Variants in KIF18B observed in about 807,000 individuals in gnomAD.
The protein encoded by KIF18B is kinesin-like protein KIF18B.
Under a neutral mutation model 80.9 loss-of-function variants are expected in KIF18B, and 49 were observed. That is an observed-to-expected ratio of 0.61 (90% confidence interval 0.48 to 0.77). The LOEUF is 0.77. Among genes scored for constraint, KIF18B ranks in the 30% least tolerant of loss-of-function variants. KIF18B has a pLI of 0.00. For synonymous variants in KIF18B, 439 were observed against 463.9 expected (o/e 0.95, Z 0.69); for missense variants, 994 against 1,127.7 (o/e 0.88, Z 1.70).
At chr17:44,930,694 GA>G (rs1233083058) in intron 11 of KIF18B, among the ~76,000 whole-genome samples, 1 of 152,152 alleles carries the variant, frequency 6.6e-6, no homozygotes, top group Non-Finnish European at 1.5e-5. Context: ...AGCCAGGGCA[GA>G]AATAAGGACC....
At chr17:44,935,085 G>T in intron 3 of KIF18B, 150 bp from the exon 4 acceptor site, 1 of 880,254 alleles carries the variant, frequency 1.1e-6, no homozygotes, top group Non-Finnish European at 1.7e-6. Flanking sequence ...GACCACAGCA[G>T]GGTGAACAGG....
At chr17:44,935,551 T>C in intron 2 of KIF18B, 135 bp from the exon 3 acceptor site, 1 of 888,006 alleles carries the variant, frequency 1.1e-6, no homozygotes, top group Non-Finnish European at 1.7e-6. Flanking sequence ...ACCCTCCATG[T>C]TCCCGCTGCA....
At position 44,934,680 on chromosome 17, in the gene KIF18B, G is replaced by C. The variant is rs2052240377; in HGVS notation, c.577-63C>G. ...CCGGATCAGGACTTTTCCCCTAACA[G>C]GAAGGGCTGCTCTTCAGAATCTACA... On this transcript the variant is annotated intron_variant, in intron 4 of 15. Transcript: ENST00000593135. The surrounding 1 kb of genome is among the most constrained non-coding windows in gnomAD (Gnocchi z 5.4). The C allele has an allele frequency of 7.1e-7, 1 of 1,401,326 alleles. No homozygotes were observed. The highest frequency in any genetic ancestry group is 1.4e-5 in the South Asian group (1 of 72,264). The allele number at this position is 1,401,326 out of a possible 1,614,324, so 86.8% of individuals were successfully genotyped here.
chr17:44,935,209 C>CT (rs1567793899), intron 3 of KIF18B, 50 bp downstream of exon 3: 1 of 1,521,706 alleles, frequency 6.6e-7, no homozygotes, highest in Admixed American at 2.1e-5. Flanking sequence ...CATGGGCTCA[C>CT]TTCCCCCCGG....
At chr17:44,933,892 C>T (rs1441499990) in intron 7 of KIF18B, 31 bp downstream of exon 7, 3 of 1,533,564 alleles carry the variant, frequency 2.0e-6, no homozygotes, top group East Asian at 2.5e-5. Flanking sequence ...GGAGCTGCCC[C>T]ACGCCCAAGC....
chr17:44,946,288 C>T (rs570783762), intron 1 of KIF18B, among the ~76,000 whole-genome samples: 21 of 152,052 alleles, frequency 1.4e-4, no homozygotes, highest in African/African-American at 4.6e-4. Flanking sequence ...AAATGGAATT[C>T]GGTTAGATAA....
Position 44,934,317 on chromosome 17 carries a change from C to T in KIF18B, c.801G>A (p.Lys267=), listed in dbSNP as rs1254051132. 1 of 1,610,474 alleles carries T rather than the reference C, an allele frequency of 6.2e-7. No individual in the cohort carries two copies. Among genetic ancestry groups the T allele is most frequent in the Non-Finnish European group, 8.5e-7 (1 of 1,178,516 alleles). ...GSERASSTHA[K]GERLREGANI... is the part of the protein sequence containing the mutation. ...TGGCCCCCTCCCGCAGCCGCTCCCC[C>T]TTCGCATGGGTGCTGGATGCCCGCT... Residue 267 remains lysine, a synonymous_variant, in exon 6 of 16, where the codon AAG becomes AAA. Transcript: ENST00000593135. This position sits in a 1 kb window ranked among gnomAD's most constrained non-coding sequence, Gnocchi z 5.4.
At position 44,927,979 on chromosome 17, in the gene KIF18B, A is replaced by G; in HGVS notation, c.2276+47T>C. ...AGCAGCACCAAGAAGTCCCTTGCTG[A>G]CCACTGACCACTGACAGGAGGGGTG... On this transcript the variant is annotated intron_variant, in intron 13 of 15. Transcript: ENST00000593135. This position sits in a 1 kb window ranked among gnomAD's most constrained non-coding sequence, Gnocchi z 4.1. The G allele has an allele frequency of 6.9e-7, 1 of 1,452,930 alleles. No homozygotes were observed. Among genetic ancestry groups the G allele is most frequent in the Non-Finnish European group, 9.2e-7 (1 of 1,084,058 alleles). 90.0% of individuals were successfully genotyped at this position (1,452,930 alleles called of 1,614,324 possible).
Position 44,926,134 on chromosome 17 carries a change from G to A in KIF18B, c.2505C>T (p.Leu835=). The change falls in exon 16 of 16, where the codon CTC becomes CTT. Residue 835 remains leucine (L), a synonymous_variant. Transcript: ENST00000593135. ...CPSNRRNGKD[L]IRVGRALSAG... is the part of the protein sequence containing the mutation. ...CTGAGAGTGCTCTCCCCACCCTGAT[G>A]AGGTCCTTTCCATTCCTCCGGTTGC... 6.2e-7 allele frequency: 1 copy of A among 1,613,932 alleles called. No individual in the cohort carries two copies. The highest frequency in any genetic ancestry group is 1.1e-5 in the South Asian group (1 of 91,074).
chr17:44,944,454 G>T (rs907135344), intron 1 of KIF18B, among the ~76,000 whole-genome samples: 2 of 151,986 alleles, frequency 1.3e-5, no homozygotes. Flanking sequence ...TGTCGGTCAG[G>T]CTGGTCTCAT....
At position 44,946,098 on chromosome 17, in the gene KIF18B, G is replaced by A. The variant is rs184492576; in HGVS notation, c.-15+1530C>T. ...AAATTGTAAATGTGGTATTTATAAC[G>A]TAATTGCTTATGTAAAAAGATTATG... On this transcript the variant is annotated intron_variant, in intron 1 of 15. Transcript: ENST00000593135. Among the ~76,000 whole-genome samples, 32 of 151,582 alleles carry A rather than the reference G, an allele frequency of 2.1e-4. No homozygotes were observed. In the East Asian group the frequency reaches 2.7e-3, roughly 13 times the overall value.
intron 1 of KIF18B, among the ~76,000 whole-genome samples, chr17:44,938,422 T>G (rs964079796): frequency 2.0e-5 from 3 of 152,260 alleles, no homozygotes; most frequent in Admixed American, 2.0e-4. Context: ...GAAAAAATTC[T>G]ACCCTGGCCA....
chr17:44,937,705 T>C (rs999771039), intron 1 of KIF18B, among the ~76,000 whole-genome samples: 1 of 152,208 alleles, frequency 6.6e-6, no homozygotes, highest in Non-Finnish European at 1.5e-5. Context: ...AAAAAATTTT[T>C]ACCTTTTCTT....
In KIF18B at chr17:44,933,972, G is replaced by A. The variant is rs754913267; in HGVS notation, c.1013C>T (p.Thr338Met). 8 of 1,597,554 alleles carry A rather than the reference G, an allele frequency of 5.0e-6. No homozygotes were observed. The highest frequency in any genetic ancestry group is 1.7e-5 in the Admixed American group (1 of 57,284). ...GTCGGCATATTTGAGGGTGTTGTAC[G>A]TGTCCTCGTAGGTCAGGCTGGAGGG... ...ISPSSLTYEDTYNTLKYADRA... is the reference protein window; with the variant it reads ...ISPSSLTYEDMYNTLKYADRA... Residue 338 changes from threonine (T) to methionine (M), a missense_variant, in exon 7 of 16, where the codon ACG (threonine) becomes ATG (methionine). Physicochemically the swap from Thr to Met is moderately conservative, Grantham distance 81. Coordinates refer to ENST00000593135, the MANE Select transcript of KIF18B (RefSeq NM_001265577.2).
rs57250020 is a variant in KIF18B, at chr17:44,932,696, G to A, written c.1215C>T (p.Pro405=). Reference sequence around the variant, plus strand: ...ACTGTTCTGGTGGTGGTCCCGACTTGGGAGATCCTGGGAGGTCCTGTGGTG... The same window carrying A: ...ACTGTTCTGGTGGTGGTCCCGACTTAGGAGATCCTGGGAGGTCCTGTGGTG... The part of the protein sequence containing the change: ...QPPPQDLPGS[P]KSGPPPEHQP... Residue 405 remains proline (P), a synonymous_variant, in exon 9 of 16, where the codon CCC becomes CCT. Coordinates refer to ENST00000593135, the MANE Select transcript of KIF18B (RefSeq NM_001265577.2). The A allele has an allele frequency of 0.043, 68,527 of 1,611,518 alleles. 2,669 individuals are homozygous for A. The highest frequency in any genetic ancestry group is 0.18 in the African/African-American group (13,740 of 74,900).
Position 44,928,384 on chromosome 17 carries a change from G to T in KIF18B, c.1918C>A (p.Pro640Thr). The T allele has an allele frequency of 6.3e-7, 1 of 1,577,104 alleles. No individual in the cohort carries two copies. Among genetic ancestry groups the T allele is most frequent in the Non-Finnish European group, 8.6e-7 (1 of 1,163,776 alleles). Residue 640 changes from proline to threonine, a missense_variant, in exon 13 of 16, where the codon CCC becomes ACC. By Grantham distance (38) the Pro-to-Thr change is conservative (BLOSUM62 -1). Transcript: ENST00000593135. ...RRPSALEADSPMAPKRGTKRQ... is the reference protein window; with the variant it reads ...RRPSALEADSTMAPKRGTKRQ... ...TTGGTGCCCCGCTTTGGGGCCATGG[G>T]ACTGTCTGCCTCCAAGGCGCTTGGT... is the stretch of plus-strand genomic sequence containing the variant.
rs2145693472 is a variant in KIF18B, at chr17:44,932,734, C to T, written c.1177G>A (p.Gly393Arg). Residue 393 changes from glycine to arginine, a missense_variant, in exon 9 of 16, where the codon GGA becomes AGA. Physicochemically the swap from Gly to Arg is moderately radical, Grantham distance 125. Coordinates refer to ENST00000593135, the MANE Select transcript of KIF18B (RefSeq NM_001265577.2). ...AGGTCCTGTGGTGGGGGCTGGCCTC[C>T]CCCCTCATACACTTGGAGCTTCTTC... ...LRKKLQVYEG[G>R]GQPPPQDLPG... The T allele has an allele frequency of 2.5e-6, 4 of 1,613,312 alleles. 1 individual carries two copies. In the South Asian group the frequency reaches 4.4e-5, roughly 18 times the overall value.
In KIF18B at chr17:44,930,548, G is replaced by A. The variant is rs142120543; in HGVS notation, c.1517+1054C>T. ...AAATCAAAGGGAAATTATTTTCAAC[G>A]ATCTGGCTGTTAGGACGTTTCCAAA... On this transcript the variant is annotated intron_variant, in intron 11 of 15. Transcript: ENST00000593135. 1.5e-3 allele frequency among the ~76,000 whole-genome samples: 231 copies of A among 152,254 alleles called. 2 individuals carry two copies. The highest frequency in any genetic ancestry group is 5.3e-3 in the African/African-American group (219 of 41,528).
rs566990354 is a variant in KIF18B, at chr17:44,935,546, C to T, written c.314-130G>A. On this transcript the variant is annotated intron_variant, in intron 2 of 15. Coordinates refer to ENST00000593135, the MANE Select transcript of KIF18B (RefSeq NM_001265577.2). ...CCATTAATCCCACTAATCACACCCT[C>T]CATGTTCCCGCTGCAGGGCTGGAGT... The T allele has an allele frequency of 5.2e-6, 5 of 952,886 alleles. No individual in the cohort carries two copies. The East Asian group carries it at 1.3e-4, about 25-fold the overall frequency. The allele number at this position is 952,886 out of a possible 1,614,324, so 59.0% of individuals were successfully genotyped here.
Sources: gnomAD v4.1 joint callset for allele counts (sites outside exome capture counted in the v4.1 genomes callset) on GRCh38, gnomAD v4.1.1 for gene constraint, Gnocchi (gnomAD v3.1) non-coding constraint, MANE v1.5 for transcripts, NCBI Gene and HGNC (gene_info 2026-07-23, HGNC 2026-07-21) for gene names.